Variants in DEPDC1B observed in about 807,000 individuals in gnomAD.
The protein encoded by DEPDC1B is DEP domain-containing protein 1B.
In DEPDC1B, 51 loss-of-function variants were observed where a neutral mutation model predicts 66.5. That is an observed-to-expected ratio of 0.77 (90% CI 0.61 to 0.97). The LOEUF is 0.97. DEPDC1B is among the 50% of genes least tolerant of loss of function. The pLI, the probability that DEPDC1B is intolerant of heterozygous loss-of-function variation, is 0.00. For missense variants in DEPDC1B, 552 were observed against 637.1 expected, an observed-to-expected ratio of 0.87 and a Z score of 1.44; for synonymous variants, 226 against 223.6, an observed-to-expected ratio of 1.01 and a Z score of -0.10.
At chr5:60,665,500 T>C (rs1466347975) in intron 2 of DEPDC1B, among the ~76,000 whole-genome samples, 1 of 152,172 alleles carries the variant, frequency 6.6e-6, no homozygotes, top group African/African-American at 2.4e-5. Flanking sequence ...CCAGATGCAG[T>C]CCATGATGAA....
intron 7 of DEPDC1B, among the ~76,000 whole-genome samples, chr5:60,618,164 T>C (rs1290632417): frequency 1.3e-5 from 2 of 150,016 alleles, no homozygotes; most frequent in African/African-American, 2.5e-5. Context: ...TTTATTGCAC[T>C]GAATGTCCAC....
chr5:60,663,713 G>T (rs1255632719), intron 2 of DEPDC1B, among the ~76,000 whole-genome samples: 1 of 152,174 alleles, frequency 6.6e-6, no homozygotes, highest in Non-Finnish European at 1.5e-5. Context: ...GGTCACTCTT[G>T]TCCTTCGGTA....
In DEPDC1B at chr5:60,605,856, CCTGATTT is replaced by C; in HGVS notation, c.899-7_899-1del. 6.2e-7 allele frequency: 1 copy of C among 1,602,408 alleles called. No homozygotes were observed. Among genetic ancestry groups the C allele is most frequent in the Admixed American group, 1.7e-5 (1 of 58,036 alleles). ...TGCCACTTTCTCCTTCTGTAACAAACCTGATTTAGAAAAAAAAAAATGTTATCTTTCA... is the reference window on the plus strand; with the variant it reads ...TGCCACTTTCTCCTTCTGTAACAAACAGAAAAAAAAAAATGTTATCTTTCA... On this transcript the variant is annotated splice_acceptor_variant and splice_polypyrimidine_tract_variant and intron_variant, in intron 7 of 10. Transcript: ENST00000265036. LOFTEE classifies it high-confidence loss of function.
At chr5:60,692,561 T>C (rs1236397443) in intron 1 of DEPDC1B, among the ~76,000 whole-genome samples, 3 of 152,154 alleles carry the variant, frequency 2.0e-5, no homozygotes, top group Non-Finnish European at 4.4e-5. Flanking sequence ...AGAAATCTCA[T>C]ACACTGCTGT....
chr5:60,629,350 A>G (rs1401314084), intron 7 of DEPDC1B, among the ~76,000 whole-genome samples: 1 of 152,160 alleles, frequency 6.6e-6, no homozygotes, highest in African/African-American at 2.4e-5. Flanking sequence ...ATTTTCTTAA[A>G]ATGTATATTC....
intron 7 of DEPDC1B, among the ~76,000 whole-genome samples, chr5:60,612,094 T>C (rs941834203): frequency 2.6e-5 from 4 of 152,082 alleles, no homozygotes; most frequent in African/African-American, 4.8e-5. Flanking sequence ...CCAGTGCTCC[T>C]TTACCATTCC....
intron 1 of DEPDC1B, among the ~76,000 whole-genome samples, chr5:60,695,762 C>A (rs1402877532): frequency 6.6e-6 from 1 of 152,116 alleles, no homozygotes; most frequent in Non-Finnish European, 1.5e-5. Flanking sequence ...TAGGACAAGG[C>A]CCCTGTCTTC....
chr5:60,638,620 T>C (rs1448498272), intron 7 of DEPDC1B, 130 bp downstream of exon 7: 5 of 920,282 alleles, frequency 5.4e-6, no homozygotes, highest in Middle Eastern at 3.5e-4. Context: ...ACTCTAGCTA[T>C]GCCAAATACT....
Position 60,700,147 on chromosome 5 carries a change from G to A in DEPDC1B, c.-54C>T, listed in dbSNP as rs1754757868. 45 of 1,521,432 alleles carry A rather than the reference G, an allele frequency of 3.0e-5. 2 individuals are homozygous for A. The South Asian group carries it at 5.0e-4, about 17-fold the overall frequency. 94.2% of individuals were successfully genotyped at this position (1,521,432 alleles called of 1,614,324 possible). A position where few individuals can be genotyped will look rare whatever the true frequency, so the allele number is the denominator to read the frequency against. On this transcript the variant is annotated 5_prime_UTR_variant, in exon 1 of 11. Coordinates refer to ENST00000265036, the MANE Select transcript of DEPDC1B (RefSeq NM_018369.3). ...CGCCAGCGCTGATCCCCGCCAGCCG[G>A]AGGAGCAGCAGTTTGAATCCCAAGC...
At chr5:60,651,065 G>A (rs1340755492) in intron 2 of DEPDC1B, among the ~76,000 whole-genome samples, 3 of 152,264 alleles carry the variant, frequency 2.0e-5, no homozygotes, top group East Asian at 3.9e-4. Flanking sequence ...AACAGGAAGA[G>A]GCCCTAGAAG....
At position 60,700,037 on chromosome 5, in the gene DEPDC1B, C is replaced by T. The variant is rs1340017800; in HGVS notation, c.48+9G>A. ...GGTGCTCCGCCCAGGCCCCAGCACA[C>T]TCACTCACCAGCCTGGTAGCTCGGT... On this transcript the variant is annotated intron_variant, in intron 1 of 10. Coordinates refer to ENST00000265036, the MANE Select transcript of DEPDC1B (RefSeq NM_018369.3). 1.3e-6 allele frequency: 2 copies of T among 1,554,522 alleles called. No homozygotes were observed. The highest frequency in any genetic ancestry group is 1.7e-6 in the Non-Finnish European group (2 of 1,150,700).
chr5:60,641,312 T>C (rs1457287782), intron 6 of DEPDC1B, among the ~76,000 whole-genome samples: 1 of 152,092 alleles, frequency 6.6e-6, no homozygotes, highest in Non-Finnish European at 1.5e-5. Context: ...AGATTGGTTA[T>C]ACTAGCTTCC....
Position 60,607,472 on chromosome 5 carries a change from C to T in DEPDC1B, c.899-1616G>A, listed in dbSNP as rs142997304. Reference sequence around the variant, plus strand: ...TTAATATATTCTTTCATTTACCCAACAAATATTTATGAACCCCCACCTGTA... The same window carrying T: ...TTAATATATTCTTTCATTTACCCAATAAATATTTATGAACCCCCACCTGTA... On this transcript the variant is annotated intron_variant, in intron 7 of 10. Coordinates refer to ENST00000265036, the MANE Select transcript of DEPDC1B (RefSeq NM_018369.3). Among the ~76,000 whole-genome samples, 7 of 152,230 alleles carry T rather than the reference C, an allele frequency of 4.6e-5. 1 individual carries two copies. Among genetic ancestry groups the T allele is most frequent in the Admixed American group, 4.6e-4 (7 of 15,294 alleles).
intron 2 of DEPDC1B, among the ~76,000 whole-genome samples, chr5:60,651,425 G>A (rs1753448438): frequency 6.6e-6 from 1 of 151,848 alleles, no homozygotes; most frequent in Non-Finnish European, 1.5e-5. Context: ...CTACTCGGAA[G>A]GCAAAGACAG....
chr5:60,684,810 A>C (rs916563857), intron 2 of DEPDC1B, among the ~76,000 whole-genome samples: 1 of 152,198 alleles, frequency 6.6e-6, no homozygotes, highest in Non-Finnish European at 1.5e-5. Context: ...GTAGAATGGG[A>C]GAAAATATTT....
At chr5:60,635,627 T>C (rs1463737339) in intron 7 of DEPDC1B, among the ~76,000 whole-genome samples, 2 of 152,032 alleles carry the variant, frequency 1.3e-5, no homozygotes, top group African/African-American at 2.4e-5. Flanking sequence ...GGCTTCAGAG[T>C]CTGAGAAGCA....
chr5:60,651,658 G>A (rs536315622), intron 2 of DEPDC1B, among the ~76,000 whole-genome samples: 1 of 152,270 alleles, frequency 6.6e-6, no homozygotes, highest in East Asian at 1.9e-4. Flanking sequence ...TCTGCAACAG[G>A]ATCGGGCAGT....
At chr5:60,665,994 C>T (rs1306145236) in intron 2 of DEPDC1B, among the ~76,000 whole-genome samples, 1 of 152,190 alleles carries the variant, frequency 6.6e-6, no homozygotes, top group Non-Finnish European at 1.5e-5. Context: ...TGTATGGGAG[C>T]TCTGTTTTCA....
chr5:60,657,679 T>C (rs995183789), intron 2 of DEPDC1B, among the ~76,000 whole-genome samples: 4 of 152,228 alleles, frequency 2.6e-5, no homozygotes, highest in Admixed American at 1.3e-4. Context: ...TGATAGGTTT[T>C]CCTTTGTAGG....
Sources: allele counts gnomAD v4.1 joint callset (sites outside exome capture counted in the v4.1 genomes callset), GRCh38; gene constraint gnomAD v4.1.1; transcripts MANE v1.5; gene names NCBI Gene and HGNC (gene_info 2026-07-23, HGNC 2026-07-21).